RIPOR2: variants seen among roughly 807,000 people sequenced by gnomAD.
The protein encoded by RIPOR2 is rho family-interacting cell polarization regulator 2.
RIPOR2 carries 39 observed loss-of-function variants against 114.5 expected under a neutral mutation model. The observed-to-expected ratio is 0.34, with a 90% confidence interval of 0.26 to 0.44. The LOEUF is 0.44. RIPOR2 is among the 20% of genes least tolerant of loss of function. The pLI is 1.00. For synonymous variants in RIPOR2, 445 were observed against 484.4 expected (o/e 0.92, Z 1.07); for missense variants, 1,007 against 1,255.1 (o/e 0.80, Z 2.99).
chr6:24,877,523 T>C (rs1348441565), intron 1 of RIPOR2, among the ~76,000 whole-genome samples: 4 of 152,160 alleles, frequency 2.6e-5, no homozygotes, highest in Admixed American at 6.5e-5. Context: ...AAAAGTAATA[T>C]GTAGGGCACA....
Position 24,848,053 on chromosome 6 carries a change from G to A in RIPOR2, c.1136C>T (p.Thr379Met), listed in dbSNP as rs375981215. 67 of 1,613,826 alleles carry A rather than the reference G, an allele frequency of 4.2e-5. No homozygotes were observed. The highest frequency in any genetic ancestry group is 1.6e-4 in the Middle Eastern group (1 of 6,082). The change falls in exon 12 of 22, where the codon ACG (threonine) becomes ATG (methionine). Residue 379 changes from threonine to methionine, a missense_variant. Thr to Met is a moderately conservative substitution (Grantham distance 81). Coordinates refer to ENST00000643898, the MANE Select transcript of RIPOR2 (RefSeq NM_001286445.3). The stretch of plus-strand genomic sequence containing the variant: ...GAAGGAGTGGTCTTTGAAGGTGGGC[G>A]TTTCCGGGGTACCCTGGCTGTACAT... ...MSMYSQGTPE[T>M]PTFKDHSFFS...
rs1770985042 is a variant in RIPOR2, at chr6:24,927,248, C to CCACCAT, written c.61+8589_61+8590insATGGTG. Among the ~76,000 whole-genome samples, 8 of 80,850 alleles carry CCACCAT rather than the reference C, an allele frequency of 9.9e-5. 1 individual carries two copies. The highest frequency in any genetic ancestry group is 4.0e-4 in the African/African-American group (7 of 17,382). The allele number at this position is 80,850 out of a possible 152,430, so 53.0% of individuals were successfully genotyped here. A position where few individuals can be genotyped will look rare whatever the true frequency, so the allele number is the denominator to read the frequency against. On this transcript the variant is annotated intron_variant, in intron 1 of 21. Coordinates refer to ENST00000643898, the MANE Select transcript of RIPOR2 (RefSeq NM_001286445.3). ...ACCAGCACCACCACAACTACAATCACCACCACCACCACCACCACAGCTACA... is the reference window on the plus strand; with the variant it reads ...ACCAGCACCACCACAACTACAATCACCACCATCACCACCACCACCACCACAGCTACA...
intron 1 of RIPOR2, among the ~76,000 whole-genome samples, chr6:24,894,345 C>G (rs1172046416): frequency 6.6e-6 from 1 of 152,160 alleles, no homozygotes; most frequent in East Asian, 1.9e-4. Context: ...AAGGGAAATT[C>G]ATCTGTATTC....
intron 1 of RIPOR2, among the ~76,000 whole-genome samples, chr6:24,959,143 C>T (rs1257754399): frequency 6.6e-6 from 1 of 152,032 alleles, no homozygotes. Flanking sequence ...ACATGGCATT[C>T]TCCCTGCATC....
chr6:24,963,517 G>A lies in RIPOR2; in HGVS notation c.76+78334C>T, dbSNP rs372782508. On this transcript the variant is annotated intron_variant, in intron 1 of 13. Transcript: ENST00000510784. ...GAATAGAACAAATGGTATATATGTA[G>A]CTCTTCATGAAATGGACACATATAT... is the stretch of plus-strand genomic sequence containing the variant. 5.9e-5 allele frequency among the ~76,000 whole-genome samples: 9 copies of A among 152,162 alleles called. No individual in the cohort carries two copies. The South Asian group carries it at 1.5e-3, about 25-fold the overall frequency.
chr6:24,836,384 A>T (rs1351715786), intron 14 of RIPOR2, among the ~76,000 whole-genome samples: 2 of 152,356 alleles, frequency 1.3e-5, no homozygotes, highest in African/African-American at 2.4e-5. Flanking sequence ...GACAAAAGTT[A>T]AAAAGGGTGT....
At position 24,835,884 on chromosome 6, in the gene RIPOR2, G is replaced by A; in HGVS notation, c.2040-13C>T. On this transcript the variant is annotated splice_polypyrimidine_tract_variant and intron_variant, in intron 14 of 21. Transcript: ENST00000643898. ...AACCGACCTGTAACTATTGAAGGTGGGCAAAACATTAGCTATTCTTTTTCT... is the reference window on the plus strand; with the variant it reads ...AACCGACCTGTAACTATTGAAGGTGAGCAAAACATTAGCTATTCTTTTTCT... The A allele has an allele frequency of 6.4e-7, 1 of 1,550,964 alleles. No individual in the cohort carries two copies. Among genetic ancestry groups the A allele is most frequent in the South Asian group, 1.2e-5 (1 of 84,008 alleles).
chr6:24,890,773 G>A (rs1767275873), intron 1 of RIPOR2, among the ~76,000 whole-genome samples: 1 of 151,446 alleles, frequency 6.6e-6, no homozygotes, highest in Non-Finnish European at 1.5e-5. Context: ...TCTCCCCTTA[G>A]CCTCCTGAGT....
chr6:24,822,430 C>G (rs1195275828), intron 19 of RIPOR2, among the ~76,000 whole-genome samples: 2 of 152,160 alleles, frequency 1.3e-5, no homozygotes, highest in African/African-American at 4.8e-5. Context: ...GCAAACCTGT[C>G]TATGTTAACT....
intron 19 of RIPOR2, among the ~76,000 whole-genome samples, chr6:24,824,170 AC>A (rs1759949218): frequency 6.6e-6 from 1 of 152,220 alleles, no homozygotes; most frequent in African/African-American, 2.4e-5. Context: ...ATATCCTGCT[AC>A]CAGCATGTTC....
intron 6 of RIPOR2, 41 bp from the exon 7 acceptor site, chr6:24,865,491 T>A (rs1448327770): frequency 6.5e-7 from 1 of 1,543,968 alleles, no homozygotes; most frequent in African/African-American, 1.4e-5. Context: ...AATGTCAGGC[T>A]TGAAAGAAAA....
intron 5 of RIPOR2, among the ~76,000 whole-genome samples, chr6:24,869,419 G>A (rs1028121451): frequency 5.3e-5 from 8 of 151,178 alleles, no homozygotes; most frequent in Non-Finnish European, 1.2e-4. Context: ...CTGGGTTCAA[G>A]CGATTCTCCT....
chr6:24,876,497 G>A (rs1037254414), intron 1 of RIPOR2, among the ~76,000 whole-genome samples: 2 of 152,006 alleles, frequency 1.3e-5, no homozygotes, highest in East Asian at 1.9e-4. Context: ...TAAGTCATGC[G>A]TCAAACTGAA....
intron 15 of RIPOR2, among the ~76,000 whole-genome samples, chr6:24,833,599 ATGAACTGCT>A (rs1760861012): frequency 6.6e-6 from 1 of 152,238 alleles, no homozygotes; most frequent in African/African-American, 2.4e-5. Context: ...TACAATAGCA[ATGAACTGCT>A]TTATTTTGAA....
At chr6:24,902,675 T>C (rs1768596542) in intron 1 of RIPOR2, among the ~76,000 whole-genome samples, 1 of 152,198 alleles carries the variant, frequency 6.6e-6, no homozygotes, top group Admixed American at 6.5e-5. Context: ...GATTAGCCAG[T>C]TTGAAACTAA....
chr6:25,013,992 G>A (rs1775874309), intron 1 of RIPOR2, among the ~76,000 whole-genome samples: 1 of 152,186 alleles, frequency 6.6e-6, no homozygotes, highest in South Asian at 2.1e-4. Flanking sequence ...AGGACTGGAA[G>A]TGGCTTCAAT....
At chr6:24,861,839 T>C (rs745892513) in intron 7 of RIPOR2, among the ~76,000 whole-genome samples, 31 of 152,186 alleles carry the variant, frequency 2.0e-4, no homozygotes, top group Admixed American at 1.9e-3. Flanking sequence ...ATATTACCAA[T>C]TGGTAAATCT....
intron 1 of RIPOR2, among the ~76,000 whole-genome samples, chr6:25,005,694 G>GATAGATAT (rs1554130520): frequency 4.4e-5 from 2 of 45,386 alleles, no homozygotes; most frequent in Admixed American, 5.0e-4. Context: ...TCCCTATGGA[G>GATAGATAT]ATATATATAT....
intron 1 of RIPOR2, 82 bp from the exon 2 acceptor site, chr6:24,875,899 G>A: frequency 7.6e-7 from 1 of 1,322,618 alleles, no homozygotes; most frequent in South Asian, 1.3e-5. Context: ...AATGATAAAG[G>A]ATGTAAAGTA....
Sources: allele counts gnomAD v4.1 joint callset (sites outside exome capture counted in the v4.1 genomes callset), GRCh38; gene constraint gnomAD v4.1.1; transcripts MANE v1.5; gene names NCBI Gene and HGNC (gene_info 2026-07-23, HGNC 2026-07-21).